The following ARHGAP24 variants were observed in gnomAD, a reference collection of about 807,000 sequenced individuals.
ARHGAP24 encodes the protein rho GTPase-activating protein 24.
Under a neutral mutation model 76.4 loss-of-function variants are expected in ARHGAP24, and 50 were observed. The observed-to-expected ratio is 0.65, with a 90% CI of 0.52 to 0.83. ARHGAP24 has a LOEUF of 0.83. Ranked by LOEUF, ARHGAP24 falls within the 40% of genes least tolerant of loss-of-function variation. ARHGAP24 has a pLI of 0.00. For synonymous variants in ARHGAP24, 345 were observed against 323.3 expected (o/e 1.07, Z -0.72); for missense variants, 930 against 914.2 (o/e 1.02, Z -0.22).
intron 3 of ARHGAP24, among the ~76,000 whole-genome samples, chr4:85,893,814 T>C (rs1490690331): frequency 6.6e-6 from 1 of 151,086 alleles, no homozygotes; most frequent in Admixed American, 6.6e-5. Flanking sequence ...ATGGATGAAA[T>C]TGGAAACCAT....
intron 3 of ARHGAP24, among the ~76,000 whole-genome samples, chr4:85,811,916 C>A (rs1729030299): frequency 6.6e-6 from 1 of 152,142 alleles, no homozygotes; most frequent in Non-Finnish European, 1.5e-5. Context: ...TAGCTCACGC[C>A]TCTAATCCCA....
intron 1 of ARHGAP24, among the ~76,000 whole-genome samples, chr4:85,494,453 A>G (rs142237680): frequency 1.6e-3 from 249 of 152,146 alleles, no homozygotes; most frequent in African/African-American, 5.8e-3. Context: ...AATATTGGCC[A>G]AGGCGGGTGG....
intron 3 of ARHGAP24, among the ~76,000 whole-genome samples, chr4:85,912,868 A>C (rs1178631336): frequency 2.0e-5 from 3 of 152,010 alleles, no homozygotes; most frequent in Non-Finnish European, 4.4e-5. Flanking sequence ...TTTTTCTTTC[A>C]ATAATTCTTT....
intron 3 of ARHGAP24, among the ~76,000 whole-genome samples, chr4:85,910,708 C>G (rs1735027981): frequency 6.6e-6 from 1 of 152,164 alleles, no homozygotes; most frequent in South Asian, 2.1e-4. Context: ...AACCCATCAT[C>G]TGCTCAGCTC....
chr4:85,627,162 T>A (rs1720987234), intron 2 of ARHGAP24, among the ~76,000 whole-genome samples: 1 of 152,140 alleles, frequency 6.6e-6, no homozygotes, highest in Non-Finnish European at 1.5e-5. Context: ...ATTTTTAGAG[T>A]TTTGAGTTTT....
chr4:85,647,882 A>T (rs1306592792), intron 2 of ARHGAP24, among the ~76,000 whole-genome samples: 1 of 152,120 alleles, frequency 6.6e-6, no homozygotes, highest in Non-Finnish European at 1.5e-5. Context: ...CTGTTGTACT[A>T]AACATTTTAC....
intron 3 of ARHGAP24, among the ~76,000 whole-genome samples, chr4:85,798,101 T>C (rs915613504): frequency 3.3e-5 from 5 of 152,198 alleles, no homozygotes; most frequent in African/African-American, 1.2e-4. Context: ...GTTTCAAACC[T>C]AGAATTTCTG....
intron 5 of ARHGAP24, among the ~76,000 whole-genome samples, chr4:85,971,427 T>A (rs1434050297): frequency 6.6e-6 from 1 of 152,166 alleles, no homozygotes; most frequent in Non-Finnish European, 1.5e-5. Context: ...CAAATACACA[T>A]AAAGAAAAAT....
At chr4:85,931,939 C>CT (rs1003291247) in intron 4 of ARHGAP24, among the ~76,000 whole-genome samples, 7 of 151,562 alleles carry the variant, frequency 4.6e-5, no homozygotes, top group Admixed American at 2.0e-4. Context: ...TCCCCCACAT[C>CT]TTTTTTTTGA....
rs199528525 is a variant in ARHGAP24, at chr4:85,649,037, T to TGTGTGTGTGTGTG, written c.181-72848_181-72847insGTGTGTGTGTGTG. On this transcript the variant is annotated intron_variant, in intron 2 of 9. Coordinates refer to ENST00000395184, the MANE Select transcript of ARHGAP24 (RefSeq NM_001025616.3). Reference sequence around the variant, plus strand: ...TGTGTGTGTGTGTGTGTGTGTGTGTTTGTGTGTGTGTGCTTATATTCTATT... The same window carrying TGTGTGTGTGTGTG: ...TGTGTGTGTGTGTGTGTGTGTGTGTTGTGTGTGTGTGTGTGTGTGTGTGTGCTTATATTCTATT... Among the ~76,000 whole-genome samples, 138 of 111,160 alleles carry TGTGTGTGTGTGTG rather than the reference T, an allele frequency of 1.2e-3. 2 individuals carry two copies. Among genetic ancestry groups the TGTGTGTGTGTGTG allele is most frequent in the African/African-American group, 3.9e-3 (121 of 30,876 alleles). 72.9% of individuals were successfully genotyped at this position (111,160 alleles called of 152,430 possible).
At chr4:85,942,413 T>C in intron 5 of ARHGAP24, 140 bp downstream of exon 5, 1 of 1,029,258 alleles carries the variant, frequency 9.7e-7, no homozygotes, top group East Asian at 2.6e-5. Flanking sequence ...GGAGTTTGCA[T>C]TGTTTCTATT....
intron 3 of ARHGAP24, among the ~76,000 whole-genome samples, chr4:85,873,494 C>T (rs145130339): frequency 6.6e-6 from 1 of 152,230 alleles, no homozygotes; most frequent in Non-Finnish European, 1.5e-5. Flanking sequence ...AGAGGATTTA[C>T]AAGGCTGAAT....
chr4:85,770,853 T>C (rs1240450765), intron 3 of ARHGAP24, among the ~76,000 whole-genome samples: 1 of 152,192 alleles, frequency 6.6e-6, no homozygotes, highest in Non-Finnish European at 1.5e-5. Context: ...AAGGAAACTT[T>C]CCATATAAGA....
intron 3 of ARHGAP24, among the ~76,000 whole-genome samples, chr4:85,762,768 A>G (rs1023244680): frequency 2.0e-5 from 3 of 152,164 alleles, no homozygotes; most frequent in Admixed American, 6.5e-5. Flanking sequence ...TTCCTATTAC[A>G]CTTATGTAAA....
At chr4:85,660,794 C>CAAAA (rs34228407) in intron 2 of ARHGAP24, among the ~76,000 whole-genome samples, 728 of 59,318 alleles carry the variant, frequency 0.012, 89 homozygotes, top group East Asian at 0.024. Flanking sequence ...GACTCCGTCT[C>CAAAA]AAAAAAAAAA....
chr4:85,789,473 G>A (rs942685801), intron 3 of ARHGAP24, among the ~76,000 whole-genome samples: 4 of 151,874 alleles, frequency 2.6e-5, no homozygotes, highest in African/African-American at 2.4e-5. Context: ...CAGGCTCATC[G>A]AGCACTGGGA....
At chr4:85,804,485 A>G (rs1354010019) in intron 3 of ARHGAP24, among the ~76,000 whole-genome samples, 1 of 152,180 alleles carries the variant, frequency 6.6e-6, no homozygotes, top group African/African-American at 2.4e-5. Flanking sequence ...AAAGGAGGTC[A>G]TTTTCTTCTC....
chr4:85,504,584 C>T (rs1038409601), intron 1 of ARHGAP24, among the ~76,000 whole-genome samples: 1 of 152,166 alleles, frequency 6.6e-6, no homozygotes, highest in African/African-American at 2.4e-5. Flanking sequence ...AGATCTTCCT[C>T]CATCCCTTTA....
intron 2 of ARHGAP24, among the ~76,000 whole-genome samples, chr4:85,592,156 T>C (rs1248412192): frequency 6.6e-6 from 1 of 152,222 alleles, no homozygotes; most frequent in Admixed American, 6.5e-5. Context: ...TTGTTTTCTC[T>C]AACTTTTAAT....
Sources: gnomAD v4.1 joint callset for allele counts (sites outside exome capture counted in the v4.1 genomes callset) on GRCh38, gnomAD v4.1.1 for gene constraint, MANE v1.5 for transcripts, NCBI Gene and HGNC (gene_info 2026-07-23, HGNC 2026-07-21) for gene names.